TOP2A: variants seen among roughly 807,000 people sequenced by gnomAD.
TOP2A encodes the protein DNA topoisomerase 2-alpha.
Under a neutral mutation model 187.2 loss-of-function variants are expected in TOP2A, and 68 were observed. The observed-to-expected ratio is 0.36, with a 90% CI of 0.30 to 0.44. The LOEUF (loss-of-function observed/expected upper bound fraction) is 0.44, where lower values mean the gene tolerates loss of function less well. TOP2A is among the 20% of genes least tolerant of loss of function. The pLI is 1.00. For missense variants in TOP2A, 1,196 were observed against 1,808.7 expected (o/e 0.66, Z 6.14); for synonymous variants, 542 against 593.2 (o/e 0.91, Z 1.25).
intron 30 of TOP2A, 61 bp downstream of exon 30, chr17:40,392,524 T>C (rs765909343): frequency 6.5e-7 from 1 of 1,540,786 alleles, no homozygotes; most frequent in South Asian, 1.2e-5. Flanking sequence ...CAAAGTACCC[T>C]GAAGTATATT....
At chr17:40,415,740 G>C (rs1444482143) in intron 4 of TOP2A, among the ~76,000 whole-genome samples, 1 of 152,166 alleles carries the variant, frequency 6.6e-6, no homozygotes, top group Non-Finnish European at 1.5e-5. Context: ...CAGGCCAGGA[G>C]TTCTAAGACC....
Position 40,396,400 on chromosome 17 carries a change from C to T in TOP2A, c.3603G>A (p.Lys1201=), listed in dbSNP as rs756146500. The T allele has an allele frequency of 6.2e-7, 1 of 1,613,916 alleles. No individual in the cohort carries two copies. The highest frequency in any genetic ancestry group is 8.5e-7 in the Non-Finnish European group (1 of 1,179,858). ...VGLPGKGGKA[K]GKKTQMAEVL... ...CTTCAGCCATTTGTGTTTTTTTCCC[C>T]TTGGCCTTCCCCCCTTTCCCAGGAA... Residue 1201 remains lysine, a synonymous_variant, in exon 28 of 35, where the codon AAG becomes AAA. Transcript: ENST00000423485.
intron 1 of TOP2A, chr17:40,417,440 C>T: frequency 2.4e-6 from 2 of 834,220 alleles, no homozygotes; most frequent in Non-Finnish European, 3.4e-6. Flanking sequence ...TTTCAAGCAG[C>T]GGGCAGGAGG....
chr17:40,417,669 G>C, intron 1 of TOP2A, 102 bp downstream of exon 1: 1 of 1,578,472 alleles, frequency 6.3e-7, no homozygotes, highest in South Asian at 1.1e-5. Context: ...CAAGCCGGTC[G>C]CCGGCCTGAC....
intron 10 of TOP2A, chr17:40,409,376 A>G (rs768265953): frequency 1.5e-5 from 6 of 406,092 alleles, no homozygotes; most frequent in African/African-American, 8.6e-5. Flanking sequence ...GCTGTCTCCA[A>G]AAAAAAAAAT....
rs199816029 is a variant in TOP2A, at chr17:40,392,636, C to T, written c.3913G>A (p.Glu1305Lys). Residue 1305 changes from glutamate to lysine, a missense_variant, in exon 30 of 35, where the codon GAA (glutamate) becomes AAA (lysine). By Grantham distance (56) the Glu-to-Lys change is moderately conservative. This residue lies in a region of TOP2A where 374 missense variants were observed against 403.3 expected (regional missense o/e 0.93). Coordinates refer to ENST00000423485, the MANE Select transcript of TOP2A (RefSeq NM_001067.4). ...SDSESDRSSDESNFDVPPRET... is the reference protein window; with the variant it reads ...SDSESDRSSDKSNFDVPPRET... ...CGTGGAGGGACATCAAAATTACTTTCGTCACTGCTCCTATCTGATTCTGAA... is the reference window on the plus strand; with the variant it reads ...CGTGGAGGGACATCAAAATTACTTTTGTCACTGCTCCTATCTGATTCTGAA... 5.7e-5 allele frequency: 92 copies of T among 1,613,168 alleles called. No homozygotes were observed. The highest frequency in any genetic ancestry group is 1.6e-4 in the Middle Eastern group (1 of 6,084).
chr17:40,399,191 A>G, intron 24 of TOP2A, 60 bp from the exon 25 acceptor site: 2 of 1,224,012 alleles, frequency 1.6e-6, no homozygotes, highest in Non-Finnish European at 2.3e-6. Flanking sequence ...GAAGGGGATA[A>G]GGTTTTACAC....
rs984070951 is a variant in TOP2A, at chr17:40,412,619, G to A, written c.789+140C>T. 9.8e-6 allele frequency: 7 copies of A among 715,196 alleles called. No individual in the cohort carries two copies. The African/African-American group carries it at 1.1e-4, about 11-fold the overall frequency. 44.3% of individuals were successfully genotyped at this position (715,196 alleles called of 1,614,324 possible). A position where few individuals can be genotyped will look rare whatever the true frequency, so the allele number is the denominator to read the frequency against. ...AGATCGTGCCACTGCACTCCAGCCCGGGCAACAGTGTGAGACTCTGTCTCA... is the reference window on the plus strand; with the variant it reads ...AGATCGTGCCACTGCACTCCAGCCCAGGCAACAGTGTGAGACTCTGTCTCA... On this transcript the variant is annotated intron_variant, in intron 7 of 34. Coordinates refer to ENST00000423485, the MANE Select transcript of TOP2A (RefSeq NM_001067.4).
chr17:40,394,065 C>CAAAAA (rs34089833), intron 29 of TOP2A, among the ~76,000 whole-genome samples: 2 of 108,616 alleles, frequency 1.8e-5, no homozygotes, highest in Non-Finnish European at 1.9e-5. Context: ...AACTCTGCCT[C>CAAAAA]AAAAAAAAAA....
At chr17:40,398,531 C>T in intron 27 of TOP2A, 27 bp downstream of exon 27, 1 of 1,521,742 alleles carries the variant, frequency 6.6e-7, no homozygotes, top group Non-Finnish European at 8.9e-7. Context: ...AATAAAAATT[C>T]TAACATGGGC....
At chr17:40,392,488 C>G in intron 30 of TOP2A, 97 bp downstream of exon 30, 1 of 1,469,416 alleles carries the variant, frequency 6.8e-7, no homozygotes, top group South Asian at 1.3e-5. Context: ...ATTTACTGCT[C>G]TATTAAGACA....
chr17:40,414,533 C>T (rs539012919), intron 4 of TOP2A, among the ~76,000 whole-genome samples: 2 of 151,992 alleles, frequency 1.3e-5, no homozygotes, highest in Non-Finnish European at 2.9e-5. Context: ...CTATACATCT[C>T]GTTCCCACTC....
In TOP2A at chr17:40,413,183, T is replaced by G. The variant is rs749443609; in HGVS notation, c.576+12A>C. 2.4e-5 allele frequency: 37 copies of G among 1,537,808 alleles called. No homozygotes were observed. The highest frequency in any genetic ancestry group is 3.1e-5 in the Non-Finnish European group (35 of 1,134,008). The stretch of plus-strand genomic sequence containing the variant: ...CATTTATCATTAAGGTACAAGACAC[T>G]TATTTACTTGCCTGTTTGAACATTT... On this transcript the variant is annotated intron_variant, in intron 6 of 34. Transcript: ENST00000423485.
rs1285425322 is a variant in TOP2A, at chr17:40,400,599, C to T, written c.2729G>A (p.Ser910Asn). The change falls in exon 22 of 35, where the codon AGT (serine) becomes AAT (asparagine). Residue 910 changes from serine to asparagine, a missense_variant. Coordinates refer to ENST00000423485, the MANE Select transcript of TOP2A (RefSeq NM_001067.4). ...EELAPNQYVI[S>N]GEVAILNSTT... ...AGAATTAAGAATAGCTACTTCACCA[C>T]TAATCACATATTGATTTGGAGCCAG... The T allele has an allele frequency of 6.2e-7, 1 of 1,611,094 alleles. No individual in the cohort carries two copies. Among genetic ancestry groups the T allele is most frequent in the Non-Finnish European group, 8.5e-7 (1 of 1,178,938 alleles).
Position 40,413,628 on chromosome 17 carries a change from A to G in TOP2A, c.333-3T>C, listed in dbSNP as rs2035352107. 11 of 1,277,520 alleles carry G rather than the reference A, an allele frequency of 8.6e-6. No homozygotes were observed. The East Asian group carries it at 2.9e-4, about 34-fold the overall frequency. 79.1% of individuals were successfully genotyped at this position (1,277,520 alleles called of 1,614,324 possible). On this transcript the variant is annotated splice_polypyrimidine_tract_variant and splice_region_variant and intron_variant, in intron 4 of 34. Transcript: ENST00000423485. Reference sequence around the variant, plus strand: ...ATATACTAATTAAATTGTTTTCCCTAAGAAAAAAAGATTGAAAATTGTATT... The same window carrying G: ...ATATACTAATTAAATTGTTTTCCCTGAGAAAAAAAGATTGAAAATTGTATT...
Position 40,390,144 on chromosome 17 carries a change from T to A in TOP2A, c.4288A>T (p.Thr1430Ser). ...GGGGCAGCCCTTTTTTTGGCACCGG[T>A]AGTGGAGGTGGAAGACTGACCTGCA... Reference protein sequence around the residue: ...AAKSQSSTSTTGAKKRAAPKG... With the variant: ...AAKSQSSTSTSGAKKRAAPKG... Residue 1430 changes from threonine (T) to serine (S), a missense_variant, in exon 34 of 35, where the codon ACC becomes TCC. This residue lies in a region of TOP2A where 374 missense variants were observed against 403.3 expected (regional missense o/e 0.93). Transcript: ENST00000423485. 6.2e-7 allele frequency: 1 copy of A among 1,612,660 alleles called. No homozygotes were observed.
At position 40,393,787 on chromosome 17, in the gene TOP2A, G is replaced by C. The variant is rs375318100; in HGVS notation, c.3812-1050C>G. 2.0e-5 allele frequency among the ~76,000 whole-genome samples: 3 copies of C among 152,126 alleles called. No homozygotes were observed. The South Asian group carries it at 6.2e-4, about 31-fold the overall frequency. ...TAAAATGCTTAGAAGAAAACACAGA[G>C]GTTTACCTTCACGGGCTTAGCAAAA... On this transcript the variant is annotated intron_variant, in intron 29 of 34. Coordinates refer to ENST00000423485, the MANE Select transcript of TOP2A (RefSeq NM_001067.4).
intron 20 of TOP2A, 37 bp downstream of exon 20, chr17:40,402,869 G>T (rs1651376461): frequency 1.3e-6 from 2 of 1,549,896 alleles, no homozygotes; most frequent in Non-Finnish European, 1.7e-6. Context: ...TTCAAAACTG[G>T]AAATGGCAAG....
At position 40,408,620 on chromosome 17, in the gene TOP2A, C is replaced by CA. The variant is rs1425483479; in HGVS notation, c.1213dup (p.Cys405LeufsTer14). The CA allele has an allele frequency of 6.2e-7, 1 of 1,613,806 alleles. No individual in the cohort carries two copies. The highest frequency in any genetic ancestry group is 8.5e-7 in the Non-Finnish European group (1 of 1,179,830). Reference sequence around the variant, plus strand: ...GTTTAGTATGCTTTCTACAATACCACAGCCAATGGCCTGAAAACGAGAAGA... The same window carrying CA: ...GTTTAGTATGCTTTCTACAATACCACAAGCCAATGGCCTGAAAACGAGAAGA... On this transcript the variant is annotated frameshift_variant, in exon 11 of 35. Transcript: ENST00000423485. LOFTEE classifies it high-confidence loss of function.
Sources: allele counts gnomAD v4.1 joint callset (sites outside exome capture counted in the v4.1 genomes callset), GRCh38; gene constraint gnomAD v4.1.1; regional missense constraint gnomAD v4.1.1; transcripts MANE v1.5; gene names NCBI Gene and HGNC (gene_info 2026-07-23, HGNC 2026-07-21).